UBE2F: variants seen among roughly 807,000 people sequenced by gnomAD.
UBE2F encodes ubiquitin conjugating enzyme E2 F (putative).
Under a neutral mutation model 29.6 loss-of-function variants are expected in UBE2F, and 5 were observed. That is an observed-to-expected ratio of 0.17 (90% CI 0.09 to 0.36). The LOEUF (loss-of-function observed/expected upper bound fraction) is 0.36, where lower values mean the gene tolerates loss of function less well. Ranked by LOEUF, UBE2F falls within the 10% of genes least tolerant of loss-of-function variation. The pLI is 1.00. For synonymous variants in UBE2F, 66 were observed against 81.8 expected (o/e 0.81, Z 1.04); for missense variants, 141 against 228.5 (o/e 0.62, Z 2.47).
rs142011878 is a variant in UBE2F, at chr2:238,012,450, A to C, written c.215-4116A>C. Among the ~76,000 whole-genome samples, 211 of 152,304 alleles carry C rather than the reference A, an allele frequency of 1.4e-3. 1 individual carries two copies. The highest frequency in any genetic ancestry group is 1.7e-3 in the Non-Finnish European group (119 of 68,024). On this transcript the variant is annotated intron_variant, in intron 4 of 9. Transcript: ENST00000272930. ...GAGCAGCTTTGCAGGCTTTTGCTGG[A>C]AATGCTGAGGAAGAGTTGAGAGAAA...
rs36015072 is a variant in UBE2F at position 238,029,951 on chromosome 2, C to CT, written c.354-592dup. 8.3e-4 allele frequency among the ~76,000 whole-genome samples: 112 copies of CT among 135,604 alleles called. 1 individual carries two copies. Among genetic ancestry groups the CT allele is most frequent in the East Asian group, 1.7e-3 (8 of 4,690 alleles). 89.0% of individuals were successfully genotyped at this position (135,604 alleles called of 152,430 possible). On this transcript the variant is annotated intron_variant, in intron 6 of 9. Coordinates refer to ENST00000272930, the MANE Select transcript of UBE2F (RefSeq NM_080678.3). Reference sequence around the variant, plus strand: ...CCATTGTCATTTTCTTTCTTTCTTTCTTTTTTTTTTTTTGAGACAGGGCCT... The same window carrying CT: ...CCATTGTCATTTTCTTTCTTTCTTTCTTTTTTTTTTTTTTGAGACAGGGCCT...
intron 2 of UBE2F, among the ~76,000 whole-genome samples, chr2:237,987,006 T>C (rs1355958063): frequency 6.6e-6 from 1 of 152,222 alleles, no homozygotes; most frequent in Non-Finnish European, 1.5e-5. Context: ...TTTAGAATTG[T>C]TTTTTTAATT....
In UBE2F at chr2:238,041,336, T is replaced by A; in HGVS notation, c.556T>A (p.Ter186ArgextTer1). The A allele has an allele frequency of 1.2e-6, 2 of 1,613,876 alleles. No homozygotes were observed. The highest frequency in any genetic ancestry group is 1.7e-6 in the Non-Finnish European group (2 of 1,179,808). Residue 186 changes from the stop codon to arginine (R), a stop_lost, in exon 10 of 10, where the codon TGA (stop) becomes AGA (arginine). Coordinates refer to ENST00000272930, the MANE Select transcript of UBE2F (RefSeq NM_080678.3). ...VDDYIKRYAR[*>R] Reference sequence around the variant, plus strand: ...TGACTACATCAAACGTTATGCCAGATGATAAAAGGGGACGATTGCAGGCCC... The same window carrying A: ...TGACTACATCAAACGTTATGCCAGAAGATAAAAGGGGACGATTGCAGGCCC...
At chr2:237,996,449 A>C (rs2063693880) in intron 4 of UBE2F, among the ~76,000 whole-genome samples, 1 of 148,566 alleles carries the variant, frequency 6.7e-6, no homozygotes, top group Non-Finnish European at 1.5e-5. Context: ...AGTCTGGATA[A>C]ATGTTTCTTC....
chr2:238,001,323 A>G (rs2063788885), intron 4 of UBE2F, among the ~76,000 whole-genome samples: 1 of 152,054 alleles, frequency 6.6e-6, no homozygotes, highest in South Asian at 2.1e-4. Context: ...GTGAGCCACC[A>G]CACCCAGCCT....
At chr2:237,979,320 G>T (rs558142983) in intron 2 of UBE2F, among the ~76,000 whole-genome samples, 3 of 152,326 alleles carry the variant, frequency 2.0e-5, no homozygotes, top group African/African-American at 7.2e-5. Flanking sequence ...GGATGCAGGG[G>T]CCTCTCTCTG....
At chr2:238,030,213 C>T (rs1417513607) in intron 6 of UBE2F, among the ~76,000 whole-genome samples, 1 of 152,148 alleles carries the variant, frequency 6.6e-6, no homozygotes, top group South Asian at 2.1e-4. Context: ...AGATTACAGG[C>T]ATGAGCCACC....
chr2:237,990,386 T>C, intron 3 of UBE2F: 1 of 454,798 alleles, frequency 2.2e-6, no homozygotes, highest in Non-Finnish European at 4.5e-6. Flanking sequence ...AACTTGAGCC[T>C]GTATATACAT....
chr2:237,974,088 G>A (rs187810399), intron 2 of UBE2F, among the ~76,000 whole-genome samples: 1 of 152,132 alleles, frequency 6.6e-6, no homozygotes, highest in East Asian at 1.9e-4. Context: ...CCACCTCCTG[G>A]GTTCCAGCAA....
At chr2:238,035,520 G>C (rs1336818971) in intron 8 of UBE2F, 1 of 183,568 alleles carries the variant, frequency 5.4e-6, no homozygotes, top group Admixed American at 5.9e-5. Context: ...TTATGGAAAA[G>C]AAGGGGATTT....
rs978768182 is a variant in UBE2F, at chr2:238,040,710, G to A, written c.508-578G>A. Among the ~76,000 whole-genome samples the A allele has an allele frequency of 3.9e-5, 6 of 152,118 alleles. No individual in the cohort carries two copies. The highest frequency in any genetic ancestry group is 7.2e-5 in the African/African-American group (3 of 41,418). On this transcript the variant is annotated intron_variant, in intron 9 of 9. Transcript: ENST00000272930. The surrounding 1 kb of genome is among the most constrained non-coding windows in gnomAD (Gnocchi z 4.4). ...CTGGGGTGATTCCTAGGTCCACACC[G>A]CCTTTGGTCACTGTCCACCTTCATT... is the stretch of plus-strand genomic sequence containing the variant.
chr2:238,012,037 C>A (rs1465009873), intron 4 of UBE2F, among the ~76,000 whole-genome samples: 2 of 126,768 alleles, frequency 1.6e-5, no homozygotes, highest in African/African-American at 3.0e-5. Flanking sequence ...CACCACCACA[C>A]CTGGCAATTT....
rs2063069922 is a variant in UBE2F at position 237,967,101 on chromosome 2, C to T, written c.-48C>T. On this transcript the variant is annotated 5_prime_UTR_variant, in exon 1 of 10. Coordinates refer to ENST00000272930, the MANE Select transcript of UBE2F (RefSeq NM_080678.3). This position sits in a 1 kb window ranked among gnomAD's most constrained non-coding sequence, Gnocchi z 6.3. ...CCGGACCGGGCATGGTGTTGGGCGC[C>T]GGGCCCGCCTCGCCTGTCTCGGGGA... 6 of 1,343,204 alleles carry T rather than the reference C, an allele frequency of 4.5e-6. No homozygotes were observed. In the South Asian group the frequency reaches 5.2e-5, roughly 12 times the overall value. 83.2% of individuals were successfully genotyped at this position (1,343,204 alleles called of 1,614,324 possible). A position where few individuals can be genotyped will look rare whatever the true frequency, so the allele number is the denominator to read the frequency against.
rs1559194656 is a variant in UBE2F, at chr2:237,967,081, C to T, written c.-68C>T. On this transcript the variant is annotated 5_prime_UTR_variant, in exon 1 of 10. Coordinates refer to ENST00000272930, the MANE Select transcript of UBE2F (RefSeq NM_080678.3). This position sits in a 1 kb window ranked among gnomAD's most constrained non-coding sequence, Gnocchi z 6.3. The stretch of plus-strand genomic sequence containing the variant: ...CCGCGTCTCGCAGCAGCCGCCCGGA[C>T]CGGGCATGGTGTTGGGCGCCGGGCC... 3.7e-6 allele frequency: 5 copies of T among 1,336,494 alleles called. No homozygotes were observed. The highest frequency in any genetic ancestry group is 1.5e-5 in the African/African-American group (1 of 65,200). 82.8% of individuals were successfully genotyped at this position (1,336,494 alleles called of 1,614,324 possible). A position where few individuals can be genotyped will look rare whatever the true frequency, so the allele number is the denominator to read the frequency against.
At chr2:238,029,958 T>G (rs1291484228) in intron 6 of UBE2F, among the ~76,000 whole-genome samples, 3 of 152,046 alleles carry the variant, frequency 2.0e-5, no homozygotes, top group Non-Finnish European at 4.4e-5. Context: ...TTTCTTTTTT[T>G]TTTTTTGAGA....
intron 4 of UBE2F, among the ~76,000 whole-genome samples, chr2:237,996,133 A>G (rs1369716706): frequency 1.3e-5 from 2 of 152,126 alleles, no homozygotes; most frequent in East Asian, 1.9e-4. Flanking sequence ...TATTGAGCAC[A>G]CTCTAATGCT....
At chr2:238,002,168 G>A (rs1223350945) in intron 4 of UBE2F, among the ~76,000 whole-genome samples, 3 of 149,704 alleles carry the variant, frequency 2.0e-5, no homozygotes, top group Non-Finnish European at 3.0e-5. Flanking sequence ...AGGTTCAAGC[G>A]ATTCTCCTGC....
At chr2:238,027,585 C>T (rs1344491476) in intron 6 of UBE2F, among the ~76,000 whole-genome samples, 1 of 152,166 alleles carries the variant, frequency 6.6e-6, no homozygotes, top group Non-Finnish European at 1.5e-5. Flanking sequence ...GCCACGTAGA[C>T]TACCTGTAAC....
chr2:237,976,462 G>A (rs796761134), intron 2 of UBE2F, among the ~76,000 whole-genome samples: 1 of 152,240 alleles, frequency 6.6e-6, no homozygotes, highest in South Asian at 2.1e-4. Context: ...TTGTGCTGCT[G>A]TAACAAAATG....
Sources: allele counts gnomAD v4.1 joint callset (sites outside exome capture counted in the v4.1 genomes callset), GRCh38; gene constraint gnomAD v4.1.1; non-coding constraint Gnocchi (gnomAD v3.1); transcripts MANE v1.5; gene names NCBI Gene and HGNC (gene_info 2026-07-23, HGNC 2026-07-21).